FAAH2: variants seen among roughly 807,000 people sequenced by gnomAD.
FAAH2 encodes fatty acid amide hydrolase 2.
A neutral mutation model predicts 36.9 loss-of-function variants in FAAH2; 60 were observed. That is an observed-to-expected ratio of 1.63 (90% CI 1.32 to 2.02). FAAH2 has a LOEUF of 2.02. Among genes scored for constraint, FAAH2 ranks in the 30% most tolerant of loss-of-function variants. The pLI is 0.00. For synonymous variants in FAAH2, 214 were observed against 143.8 expected (o/e 1.49, Z -3.49); for missense variants, 689 against 397.5 (o/e 1.73, Z -6.23).
At chrX:57,427,213 C>A (rs2056184384) in intron 7 of FAAH2, among the ~76,000 whole-genome samples, 1 of 110,409 alleles carries the variant, frequency 9.1e-6, no homozygotes, top group Admixed American at 9.7e-5. Flanking sequence ...ATGAGCAGAT[C>A]AGAAATGAGT....
chrX:57,359,446 G>A (rs766674427), intron 5 of FAAH2, among the ~76,000 whole-genome samples: 8 of 110,947 alleles, frequency 7.2e-5, no homozygotes, highest in African/African-American at 2.0e-4. Flanking sequence ...TTTCCCTTCC[G>A]CTATTGATTT....
chrX:57,419,851 G>A (rs1371546216), intron 7 of FAAH2, among the ~76,000 whole-genome samples: 5 of 111,682 alleles, frequency 4.5e-5, no homozygotes, highest in Non-Finnish European at 9.4e-5. Flanking sequence ...TATGGTTTTA[G>A]GTCTAACATG....
chrX:57,310,481 ATTAACT>A, intron 2 of FAAH2, 106 bp from the exon 3 acceptor site: 1 of 866,054 alleles, frequency 1.2e-6, no homozygotes, highest in Non-Finnish European at 1.6e-6. Flanking sequence ...TGACAAGTAC[ATTAACT>A]TTAATATGTT....
At position 57,479,290 on chromosome X, in the gene FAAH2, G is replaced by T. The variant is rs185803203; in HGVS notation, c.1424-9467G>T. 3.9e-3 allele frequency among the ~76,000 whole-genome samples: 431 copies of T among 111,617 alleles called. 2 individuals carry two copies. The highest frequency in any genetic ancestry group is 0.013 in the African/African-American group (415 of 30,758). ...TCACTCATGATTTGGCTCTCTGTTT[G>T]TCTGTTATTGGTATATAAGAATGCT... is the stretch of plus-strand genomic sequence containing the variant. On this transcript the variant is annotated intron_variant, in intron 10 of 10. Transcript: ENST00000374900.
At chrX:57,414,647 T>C (rs767651492) in intron 7 of FAAH2, among the ~76,000 whole-genome samples, 1 of 111,485 alleles carries the variant, frequency 9.0e-6, no homozygotes, top group Admixed American at 9.6e-5. Context: ...TTTGCATTGA[T>C]ATTAATGAAG....
chrX:57,198,848 T>C, the FAAH2 span, among the ~76,000 whole-genome samples: 22 of 112,221 alleles, frequency 2.0e-4, no homozygotes, highest in Non-Finnish European at 3.0e-4. Flanking sequence ...CTAGGTAAGG[T>C]AAAATCCTTT....
the FAAH2 span, among the ~76,000 whole-genome samples, chrX:57,198,503 C>G: frequency 2.7e-5 from 3 of 112,506 alleles, no homozygotes; most frequent in African/African-American, 9.7e-5. Context: ...AGCCTCAGTG[C>G]TGAGAAAGCA....
intron 5 of FAAH2, among the ~76,000 whole-genome samples, chrX:57,355,251 G>A (rs1207810434): frequency 4.5e-5 from 5 of 110,423 alleles, no homozygotes; most frequent in Non-Finnish European, 9.5e-5. Context: ...ATTTAAAATT[G>A]GCTTCTTTGT....
chrX:57,231,514 A>C, the FAAH2 span, among the ~76,000 whole-genome samples: 1 of 111,295 alleles, frequency 9.0e-6, no homozygotes, highest in Non-Finnish European at 1.9e-5. Flanking sequence ...ATTTTTTTGT[A>C]GCCTTTTGAT....
the FAAH2 span, among the ~76,000 whole-genome samples, chrX:57,187,110 TA>T: frequency 1.6e-4 from 18 of 111,676 alleles, no homozygotes; most frequent in African/African-American, 5.5e-4. Flanking sequence ...AGAAAGTCAA[TA>T]GTAGCTTGAT....
chrX:57,397,171 G>A, intron 7 of FAAH2, among the ~76,000 whole-genome samples: 1 of 111,493 alleles, frequency 9.0e-6, no homozygotes, highest in Non-Finnish European at 1.9e-5. Context: ...ACCATTAGGT[G>A]GGTGTCTTAG....
At chrX:57,447,472 T>G (rs2056699247) in intron 9 of FAAH2, among the ~76,000 whole-genome samples, 1 of 101,432 alleles carries the variant, frequency 9.9e-6, no homozygotes, top group South Asian at 4.6e-4. Flanking sequence ...CACACTGCCC[T>G]AGCAGAGGTT....
the FAAH2 span, among the ~76,000 whole-genome samples, chrX:57,171,119 A>G: frequency 8.9e-6 from 1 of 111,739 alleles, no homozygotes; most frequent in Admixed American, 9.5e-5. Context: ...GTAGTATTCC[A>G]TGGTATGTAT....
chrX:57,445,191 C>T (rs1425960274), intron 8 of FAAH2, among the ~76,000 whole-genome samples: 2 of 111,685 alleles, frequency 1.8e-5, no homozygotes, highest in Non-Finnish European at 3.8e-5. Context: ...TTCACTGAAT[C>T]CATAACAGCA....
Position 57,447,165 on chromosome X carries a change from G to A in FAAH2, c.1228+126G>A, listed in dbSNP as rs370498059. 9.1e-4 allele frequency: 391 copies of A among 427,954 alleles called. 1 individual carries two copies. Among genetic ancestry groups the A allele is most frequent in the Admixed American group, 2.6e-3 (57 of 22,016 alleles). The allele number at this position is 427,954 out of a possible 1,213,427, so 35.3% of individuals were successfully genotyped here. ...TCCAGTGGGGTACTGAAATCTTAACGCTCCAAAATGATCTCCTTTGACTCC... is the reference window on the plus strand; with the variant it reads ...TCCAGTGGGGTACTGAAATCTTAACACTCCAAAATGATCTCCTTTGACTCC... On this transcript the variant is annotated intron_variant, in intron 9 of 10. Coordinates refer to ENST00000374900, the MANE Select transcript of FAAH2 (RefSeq NM_174912.4).
At chrX:57,251,751 G>A in the FAAH2 span, among the ~76,000 whole-genome samples, 1 of 111,686 alleles carries the variant, frequency 9.0e-6, no homozygotes, top group African/African-American at 3.3e-5. Context: ...AATAGGAACA[G>A]CTCTGGTCTA....
chrX:57,187,725 T>G, the FAAH2 span, among the ~76,000 whole-genome samples: 1 of 111,426 alleles, frequency 9.0e-6, no homozygotes, highest in African/African-American at 3.3e-5. Flanking sequence ...CCCTTATTAT[T>G]TTGAGATATG....
intron 2 of FAAH2, among the ~76,000 whole-genome samples, chrX:57,304,546 A>G (rs747657053): frequency 1.8e-5 from 2 of 112,091 alleles, no homozygotes; most frequent in African/African-American, 6.5e-5. Context: ...CCACTGGTAA[A>G]CCAATTTTTG....
chrX:57,216,582 G>GTATA, the FAAH2 span, among the ~76,000 whole-genome samples: 13 of 11,808 alleles, frequency 1.1e-3, 1 homozygote, highest in Non-Finnish European at 2.6e-3. Flanking sequence ...GTATATATAT[G>GTATA]TATATGTATA....
Sources: allele counts gnomAD v4.1 joint callset (sites outside exome capture counted in the v4.1 genomes callset), GRCh38; gene constraint gnomAD v4.1.1; transcripts MANE v1.5; gene names NCBI Gene and HGNC (gene_info 2026-07-23, HGNC 2026-07-21).